Variants in SEL1L3 observed in about 807,000 individuals in gnomAD.
The protein encoded by SEL1L3 is SEL1L family member 3, also known as protein sel-1 homolog 3.
Under a neutral mutation model 142.8 loss-of-function variants are expected in SEL1L3, and 76 were observed. The ratio of observed to expected loss-of-function variants is 0.53; its 90% CI spans 0.44 to 0.64. The LOEUF (loss-of-function observed/expected upper bound fraction) is 0.64, where lower values mean the gene tolerates loss of function less well. SEL1L3 is among the 30% of genes least tolerant of loss of function. The pLI, the probability that SEL1L3 is intolerant of heterozygous loss-of-function variation, is 0.00. For synonymous variants in SEL1L3, 504 were observed against 519.6 expected (o/e 0.97, Z 0.41); for missense variants, 1,262 against 1,381.7 (o/e 0.91, Z 1.37).
chr4:25,720,295 G>A, the SEL1L3 span: 1 of 152,220 alleles, frequency 6.6e-6, no homozygotes, highest in South Asian at 2.1e-4. Flanking sequence ...TAAGGAGAAG[G>A]GGAAGCAGGC....
the SEL1L3 span, among the ~76,000 whole-genome samples, chr4:25,715,596 C>T: frequency 2.0e-5 from 3 of 152,042 alleles, no homozygotes; most frequent in African/African-American, 4.8e-5. Flanking sequence ...TCTACACACG[C>T]GTGTGCCATG....
Position 25,767,518 on chromosome 4 carries a change from T to C in SEL1L3, c.2845+7A>G, listed in dbSNP as rs752056271. On this transcript the variant is annotated splice_region_variant and intron_variant, in intron 19 of 23. Coordinates refer to ENST00000399878, the MANE Select transcript of SEL1L3 (RefSeq NM_015187.5). Reference sequence around the variant, plus strand: ...GCTTCAATTTTGCACCGTTTTTCTATACATACCAAAGGAAGGAGCATCGAT... The same window carrying C: ...GCTTCAATTTTGCACCGTTTTTCTACACATACCAAAGGAAGGAGCATCGAT... 6.6e-6 allele frequency: 10 copies of C among 1,513,662 alleles called. No homozygotes were observed. The highest frequency in any genetic ancestry group is 1.7e-4 in the Middle Eastern group (1 of 5,928). 93.8% of individuals were successfully genotyped at this position (1,513,662 alleles called of 1,614,324 possible).
At chr4:25,755,666 A>G (rs139081735) in intron 23 of SEL1L3, among the ~76,000 whole-genome samples, 2,926 of 152,296 alleles carry the variant, frequency 0.019, 44 homozygotes, top group Non-Finnish European at 0.024. Flanking sequence ...ACACGGAGAC[A>G]AGAATGTGGA....
chr4:25,772,270 T>C (rs958520534), intron 17 of SEL1L3, among the ~76,000 whole-genome samples: 1 of 152,220 alleles, frequency 6.6e-6, no homozygotes, highest in East Asian at 1.9e-4. Context: ...AAACGTTTCT[T>C]CCTGTTGATA....
rs568116031 is a variant in SEL1L3, at chr4:25,754,642, T to C, written c.3259+2892A>G. The stretch of plus-strand genomic sequence containing the variant: ...ACTTTTCGGCCCTTACTACTCAAAG[T>C]ATGCTCTTACTAAACAGCAGTGTGG... On this transcript the variant is annotated intron_variant, in intron 23 of 23. Coordinates refer to ENST00000399878, the MANE Select transcript of SEL1L3 (RefSeq NM_015187.5). Among the ~76,000 whole-genome samples, 84 of 152,208 alleles carry C rather than the reference T, an allele frequency of 5.5e-4. 1 individual carries two copies. The Middle Eastern group carries it at 0.02, about 37-fold the overall frequency.
chr4:25,779,524 C>T (rs780244448), intron 15 of SEL1L3, among the ~76,000 whole-genome samples: 1 of 152,192 alleles, frequency 6.6e-6, no homozygotes, highest in Non-Finnish European at 1.5e-5. Flanking sequence ...AGAAGTCAAA[C>T]CAGGTGAAAA....
In SEL1L3 at chr4:25,756,778, C is replaced by T. The variant is rs946301924; in HGVS notation, c.3259+756G>A. ...GTCCCTCCCTCTGAGTCCGTGTGGC[C>T]GAGGATTTTTATTCATTACGAGTGT... On this transcript the variant is annotated intron_variant, in intron 23 of 23. Transcript: ENST00000399878. 48 of 1,176,360 alleles carry T rather than the reference C, an allele frequency of 4.1e-5. No individual in the cohort carries two copies. The African/African-American group carries it at 4.5e-4, about 11-fold the overall frequency. The allele number at this position is 1,176,360 out of a possible 1,614,324, so 72.9% of individuals were successfully genotyped here.
chr4:25,720,728 G>A, the SEL1L3 span: 6 of 152,208 alleles, frequency 3.9e-5, no homozygotes, highest in Non-Finnish European at 5.9e-5. Context: ...GCCCATCAGC[G>A]ATAGTAAAGG....
At chr4:25,756,429 A>C in intron 23 of SEL1L3, 1 of 985,000 alleles carries the variant, frequency 1.0e-6, no homozygotes, top group Non-Finnish European at 1.2e-6. Context: ...CCAGATAAAT[A>C]TAACAGCTAA....
downstream of SEL1L3, among the ~76,000 whole-genome samples, chr4:25,746,505 TAA>T (rs1393009774): frequency 1.5e-4 from 17 of 110,218 alleles, no homozygotes; most frequent in Non-Finnish European, 2.8e-4. Flanking sequence ...CAATATTATC[TAA>T]ATATATATAT....
chr4:25,737,656 G>C, the SEL1L3 span, among the ~76,000 whole-genome samples: 1 of 152,268 alleles, frequency 6.6e-6, no homozygotes, highest in East Asian at 1.9e-4. Context: ...TAGTGTCTCT[G>C]TATCTGTGGG....
chr4:25,819,774 G>A (rs751092889), intron 8 of SEL1L3, 34 bp downstream of exon 8: 2 of 1,594,106 alleles, frequency 1.3e-6, no homozygotes, highest in South Asian at 2.3e-5. Context: ...AATGCACAGA[G>A]CTTAAAACAG....
intron 15 of SEL1L3, 81 bp downstream of exon 15, chr4:25,782,161 G>C: frequency 7.8e-7 from 1 of 1,281,158 alleles, no homozygotes; most frequent in Non-Finnish European, 1.1e-6. Flanking sequence ...GGTTGGGTCT[G>C]GTGCACACAG....
chr4:25,720,159 A>G, the SEL1L3 span: 7 of 152,192 alleles, frequency 4.6e-5, no homozygotes, highest in African/African-American at 1.7e-4. Flanking sequence ...TTAAAATGGT[A>G]ACTAATATAA....
At chr4:25,756,478 T>C in intron 23 of SEL1L3, 1 of 985,208 alleles carries the variant, frequency 1.0e-6, no homozygotes, top group Non-Finnish European at 1.2e-6. Flanking sequence ...GTATCTTACG[T>C]GCATTTTTTT....
rs1711980508 is a variant in SEL1L3 at position 25,788,141 on chromosome 4, C to T, written c.2217+83G>A. On this transcript the variant is annotated intron_variant, in intron 13 of 23. Transcript: ENST00000399878. This position sits in a 1 kb window ranked among gnomAD's most constrained non-coding sequence, Gnocchi z 5.3. ...CTAAATTTCTTCAGTTATCGACTCC[C>T]TGTTTGCCAGCCCGCCCACAGGAAA... The T allele has an allele frequency of 7.0e-7, 1 of 1,422,324 alleles. No individual in the cohort carries two copies. The highest frequency in any genetic ancestry group is 1.8e-5 in the Admixed American group (1 of 54,756). 88.1% of individuals were successfully genotyped at this position (1,422,324 alleles called of 1,614,324 possible). A position where few individuals can be genotyped will look rare whatever the true frequency, so the allele number is the denominator to read the frequency against.
intron 11 of SEL1L3, among the ~76,000 whole-genome samples, chr4:25,799,831 G>T (rs1377706021): frequency 6.6e-6 from 1 of 152,184 alleles, no homozygotes; most frequent in African/African-American, 2.4e-5. Context: ...AGAGATTAAG[G>T]TCTGAGTATT....
chr4:25,782,729 T>C (rs1227653792), intron 14 of SEL1L3, among the ~76,000 whole-genome samples: 1 of 152,188 alleles, frequency 6.6e-6, no homozygotes, highest in Non-Finnish European at 1.5e-5. Flanking sequence ...AGGCCTCTGA[T>C]TGCCCTGCCG....
chr4:25,731,898 A>T, the SEL1L3 span, among the ~76,000 whole-genome samples: 4 of 151,950 alleles, frequency 2.6e-5, no homozygotes, highest in South Asian at 8.3e-4. Flanking sequence ...CATGACGAAA[A>T]CCCATCTCTA....
Sources: gnomAD v4.1 joint callset for allele counts (sites outside exome capture counted in the v4.1 genomes callset) on GRCh38, gnomAD v4.1.1 for gene constraint, Gnocchi (gnomAD v3.1) non-coding constraint, MANE v1.5 for transcripts, NCBI Gene and HGNC (gene_info 2026-07-23, HGNC 2026-07-21) for gene names.